Variants in PLXNA4 observed in about 807,000 individuals in gnomAD.
PLXNA4 encodes the protein plexin-A4.
A neutral mutation model predicts 191.8 loss-of-function variants in PLXNA4; 44 were observed. That is an observed-to-expected ratio of 0.23 (90% CI 0.18 to 0.29). The LOEUF is 0.29. Among genes scored for constraint, PLXNA4 ranks in the 10% least tolerant of loss-of-function variants. PLXNA4 has a pLI of 1.00. For missense variants in PLXNA4, 1,800 were observed against 2,488.8 expected, an observed-to-expected ratio of 0.72 and a Z score of 5.89; for synonymous variants, 1,082 against 1,009.5, an observed-to-expected ratio of 1.07 and a Z score of -1.36.
Position 132,562,624 on chromosome 7 carries a change from T to C in PLXNA4, c.-87+13798A>G, listed in dbSNP as rs548652086. 9.4e-4 allele frequency among the ~76,000 whole-genome samples: 110 copies of C among 116,828 alleles called. 4 individuals are homozygous for C. Among genetic ancestry groups the C allele is most frequent in the African/African-American group, 3.8e-3 (105 of 27,474 alleles). The allele number at this position is 116,828 out of a possible 152,430, so 76.6% of individuals were successfully genotyped here. ...CTCCTCCTCCTTCTCCTCCTCTTCCTCCTCCTTCTCCTCCTCTTTCTCCTC... is the reference window on the plus strand; with the variant it reads ...CTCCTCCTCCTTCTCCTCCTCTTCCCCCTCCTTCTCCTCCTCTTTCTCCTC... On this transcript the variant is annotated intron_variant, in intron 1 of 31. Coordinates refer to ENST00000321063, the MANE Select transcript of PLXNA4 (RefSeq NM_020911.2).
intron 3 of PLXNA4, among the ~76,000 whole-genome samples, chr7:132,301,336 A>G (rs1160117955): frequency 6.6e-6 from 1 of 152,230 alleles, no homozygotes; most frequent in African/African-American, 2.4e-5. Context: ...GACCCTTAAC[A>G]TAGACAAATA....
intron 9 of PLXNA4, among the ~76,000 whole-genome samples, chr7:132,213,822 G>A (rs1234729202): frequency 2.6e-5 from 4 of 152,144 alleles, no homozygotes; most frequent in African/African-American, 9.7e-5. Context: ...TCCCTGGAGG[G>A]AATCAGATCT....
chr7:132,533,734 C>T (rs894006631), intron 1 of PLXNA4, among the ~76,000 whole-genome samples: 6 of 152,164 alleles, frequency 3.9e-5, no homozygotes, highest in Non-Finnish European at 8.8e-5. Context: ...CCTTCTGTGC[C>T]TGCTGCCAGC....
chr7:132,566,171 A>C (rs750956511), intron 1 of PLXNA4, among the ~76,000 whole-genome samples: 1 of 152,148 alleles, frequency 6.6e-6, no homozygotes, highest in Non-Finnish European at 1.5e-5. Context: ...TGCCTGCACC[A>C]AGCATGGGGG....
At chr7:132,561,529 C>G (rs1361631020) in intron 1 of PLXNA4, among the ~76,000 whole-genome samples, 1 of 110,994 alleles carries the variant, frequency 9.0e-6, no homozygotes, top group Non-Finnish European at 1.8e-5. Context: ...TCTCCTCCTC[C>G]TCCTTCTCCT....
intron 3 of PLXNA4, among the ~76,000 whole-genome samples, chr7:132,406,981 C>T (rs971510458): frequency 6.6e-6 from 1 of 152,018 alleles, no homozygotes; most frequent in Admixed American, 6.6e-5. Context: ...GAAAACAAGC[C>T]CAAACGGGAT....
At chr7:132,359,305 C>T (rs976406773) in intron 3 of PLXNA4, among the ~76,000 whole-genome samples, 1 of 150,192 alleles carries the variant, frequency 6.7e-6, no homozygotes, top group Admixed American at 6.7e-5. Context: ...CACTGCAACC[C>T]GTACCTTCAG....
Position 132,140,686 on chromosome 7 carries a change from G to T in PLXNA4, c.5351C>A (p.Thr1784Lys), listed in dbSNP as rs372160247. 6 of 1,614,046 alleles carry T rather than the reference G, an allele frequency of 3.7e-6. No individual in the cohort carries two copies. The highest frequency in any genetic ancestry group is 5.1e-6 in the Non-Finnish European group (6 of 1,180,038). The part of the protein sequence containing the change: ...VAQTFMDSCS[T>K]SEHRLGKDSP... ...GTCCTTGCCCAGCCGGTGCTCTGAC[G>T]TGGAGCAAGAGTCCATGAAGGTCTG... Residue 1784 changes from threonine (T) to lysine (K), a missense_variant, in exon 30 of 32, where the codon ACG (threonine) becomes AAG (lysine). Physicochemically the swap from Thr to Lys is moderately conservative, Grantham distance 78. Around this residue, in one of 6 missense-constraint regions of PLXNA4, gnomAD observed 101 missense variants for 182.8 expected, o/e 0.55. Coordinates refer to ENST00000321063, the MANE Select transcript of PLXNA4 (RefSeq NM_020911.2).
At chr7:132,462,777 TA>T (rs1290356109) in intron 3 of PLXNA4, among the ~76,000 whole-genome samples, 5 of 151,754 alleles carry the variant, frequency 3.3e-5, no homozygotes, top group East Asian at 1.9e-4. Flanking sequence ...AATTTCAGGT[TA>T]TTTTTTTTCT....
At chr7:132,615,313 A>G (rs1803130333) in intron 2 of PLXNA4, among the ~76,000 whole-genome samples, 1 of 151,968 alleles carries the variant, frequency 6.6e-6, no homozygotes, top group Non-Finnish European at 1.5e-5. Context: ...GCAGGGCCCT[A>G]AGGGAAACTG....
At chr7:132,154,766 G>A (rs1397815656) in intron 25 of PLXNA4, among the ~76,000 whole-genome samples, 1 of 152,206 alleles carries the variant, frequency 6.6e-6, no homozygotes, top group Non-Finnish European at 1.5e-5. Flanking sequence ...GCACTCATAT[G>A]CATGGCACCA....
intron 3 of PLXNA4, among the ~76,000 whole-genome samples, chr7:132,400,766 G>A (rs949744886): frequency 8.5e-5 from 13 of 152,138 alleles, no homozygotes; most frequent in Non-Finnish European, 7.3e-5. Context: ...GTCCTCCTCG[G>A]GAAAGCTCCC....
rs1032717573 is a variant in PLXNA4, at chr7:132,423,210, C to T, written c.1371+66082G>A. Among the ~76,000 whole-genome samples the T allele has an allele frequency of 4.6e-5, 7 of 152,252 alleles. No homozygotes were observed. The South Asian group carries it at 1.2e-3, about 27-fold the overall frequency. Reference sequence around the variant, plus strand: ...TGCATTCCCAGCACTGTGCTGGGTACTTTGCATTGCTCATCTTTCACTTTT... The same window carrying T: ...TGCATTCCCAGCACTGTGCTGGGTATTTTGCATTGCTCATCTTTCACTTTT... On this transcript the variant is annotated intron_variant, in intron 3 of 31. Transcript: ENST00000321063.
At chr7:132,396,595 A>G (rs548030730) in intron 3 of PLXNA4, among the ~76,000 whole-genome samples, 1 of 152,286 alleles carries the variant, frequency 6.6e-6, no homozygotes, top group Non-Finnish European at 1.5e-5. Context: ...GGTTCAAGCA[A>G]TTCTCATGCC....
intron 2 of PLXNA4, among the ~76,000 whole-genome samples, chr7:132,585,642 T>C (rs896758172): frequency 2.6e-5 from 4 of 152,188 alleles, no homozygotes; most frequent in Non-Finnish European, 4.4e-5. Flanking sequence ...AAATATCTAT[T>C]TCTTATGGTT....
At chr7:132,156,953 C>G (rs1795817639) in intron 25 of PLXNA4, among the ~76,000 whole-genome samples, 1 of 152,190 alleles carries the variant, frequency 6.6e-6, no homozygotes. Flanking sequence ...GAGCACCCAT[C>G]ATGGTTGAGC....
intron 2 of PLXNA4, among the ~76,000 whole-genome samples, chr7:132,636,539 A>G (rs1263794757): frequency 6.6e-6 from 1 of 152,194 alleles, no homozygotes; most frequent in East Asian, 1.9e-4. Flanking sequence ...TTGCTATGAA[A>G]ATGCCCAAAT....
chr7:132,303,225 A>G (rs1452538134), intron 3 of PLXNA4, among the ~76,000 whole-genome samples: 1 of 150,786 alleles, frequency 6.6e-6, no homozygotes, highest in Non-Finnish European at 1.5e-5. Context: ...CTAAACAATG[A>G]GAAAGGATGA....
intron 3 of PLXNA4, chr7:132,485,108 G>A: frequency 2.0e-6 from 3 of 1,534,782 alleles, no homozygotes; most frequent in Middle Eastern, 3.6e-4. Context: ...AATAAGAATG[G>A]TTTTTGTACT....
Sources: gnomAD v4.1 joint callset for allele counts (sites outside exome capture counted in the v4.1 genomes callset) on GRCh38, gnomAD v4.1.1 for gene constraint, gnomAD v4.1.1 regional missense constraint, MANE v1.5 for transcripts, NCBI Gene and HGNC (gene_info 2026-07-23, HGNC 2026-07-21) for gene names.